Variants in NKD1 observed in about 807,000 individuals in gnomAD.
NKD1 encodes NKD inhibitor of Wnt signaling pathway 1, also known as protein naked cuticle homolog 1.
NKD1 carries 21 observed loss-of-function variants against 56.0 expected under a neutral mutation model. The observed-to-expected ratio is 0.38, with a 90% CI of 0.27 to 0.54. NKD1 has a LOEUF of 0.54. NKD1 is among the 20% of genes least tolerant of loss of function. The pLI, the probability that NKD1 is intolerant of heterozygous loss-of-function variation, is 0.82. For missense variants in NKD1, 578 were observed against 642.7 expected, an observed-to-expected ratio of 0.90 and a Z score of 1.09; for synonymous variants, 263 against 265.7, an observed-to-expected ratio of 0.99 and a Z score of 0.10.
chr16:50,596,745 A>T (rs1042913710), intron 3 of NKD1, among the ~76,000 whole-genome samples: 1 of 152,334 alleles, frequency 6.6e-6, no homozygotes, highest in Middle Eastern at 3.4e-3. Flanking sequence ...TGCCCCAGAG[A>T]TAAATAAGGG....
intron 3 of NKD1, among the ~76,000 whole-genome samples, chr16:50,594,539 C>A (rs1035474318): frequency 6.6e-6 from 1 of 152,220 alleles, no homozygotes; most frequent in Non-Finnish European, 1.5e-5. Context: ...GCAGGACAGA[C>A]AAGAGGAAGA....
chr16:50,584,073 G>A (rs1961176023), intron 3 of NKD1, among the ~76,000 whole-genome samples: 1 of 152,194 alleles, frequency 6.6e-6, no homozygotes, highest in African/African-American at 2.4e-5. Flanking sequence ...TCCCACATCT[G>A]CGAGTAGGTG....
At chr16:50,589,700 TTCTCTTCTCTTCTCTTCTC>T (rs1961308360) in intron 3 of NKD1, among the ~76,000 whole-genome samples, 2 of 20,224 alleles carry the variant, frequency 9.9e-5, no homozygotes, top group Non-Finnish European at 1.0e-4. Context: ...TTCTTTTCTC[TTCTCTTCTCTTCTCTTCTC>T]TTCTCTTCTC....
At chr16:50,585,078 A>G (rs1405340013) in intron 3 of NKD1, among the ~76,000 whole-genome samples, 1 of 152,002 alleles carries the variant, frequency 6.6e-6, no homozygotes, top group East Asian at 1.9e-4. Context: ...AACAGAGAGG[A>G]TTCTTTTTTG....
chr16:50,569,248 G>C (rs568131466), intron 3 of NKD1, among the ~76,000 whole-genome samples: 1 of 152,352 alleles, frequency 6.6e-6, no homozygotes, highest in Admixed American at 6.5e-5. Flanking sequence ...CTGTGCACCA[G>C]CTTCATGCTA....
Position 50,611,344 on chromosome 16 carries a change from G to A in NKD1, c.259+2984G>A, listed in dbSNP as rs575024866. ...CCTGGTTTCTATTTCTCCACTCTCC[G>A]GCATCTTTAGGAAGGCTGCTCTGCA... is the stretch of plus-strand genomic sequence containing the variant. On this transcript the variant is annotated intron_variant, in intron 4 of 9. Transcript: ENST00000268459. Among the ~76,000 whole-genome samples the A allele has an allele frequency of 6.2e-4, 94 of 152,270 alleles. 1 individual carries two copies. Among genetic ancestry groups the A allele is most frequent in the African/African-American group, 2.2e-3 (90 of 41,570 alleles).
chr16:50,577,089 C>T (rs772866704), intron 3 of NKD1, among the ~76,000 whole-genome samples: 3 of 152,146 alleles, frequency 2.0e-5, no homozygotes, highest in Non-Finnish European at 4.4e-5. Context: ...CCATTCAGAG[C>T]AGGTTGGGTT....
intron 3 of NKD1, chr16:50,574,470 C>CT: frequency 1.0e-6 from 1 of 985,410 alleles, no homozygotes; most frequent in Non-Finnish European, 1.2e-6. Flanking sequence ...TGGGCCTCAT[C>CT]TTGTTTTTGG....
At chr16:50,600,239 CAAAA>C (rs767166696) in intron 3 of NKD1, among the ~76,000 whole-genome samples, 1 of 150,972 alleles carries the variant, frequency 6.6e-6, no homozygotes, top group Non-Finnish European at 1.5e-5. Flanking sequence ...AAAAACAAAA[CAAAA>C]CAAACAAACA....
chr16:50,580,913 A>G (rs1218241374), intron 3 of NKD1, among the ~76,000 whole-genome samples: 1 of 152,130 alleles, frequency 6.6e-6, no homozygotes, highest in African/African-American at 2.4e-5. Context: ...CTATAGAACT[A>G]TATTGCTTTT....
rs1961927106 is a variant in NKD1, at chr16:50,614,930, T to C, written c.259+6570T>C. Among the ~76,000 whole-genome samples, 7 of 152,126 alleles carry C rather than the reference T, an allele frequency of 4.6e-5. 1 individual carries two copies. The highest frequency in any genetic ancestry group is 3.9e-4 in the Admixed American group (6 of 15,282). On this transcript the variant is annotated intron_variant, in intron 4 of 9. Coordinates refer to ENST00000268459, the MANE Select transcript of NKD1 (RefSeq NM_033119.5). ...AGAGGGCCCAGAAGCCTAGCTTCAT[T>C]AGCTTCTTCATAAACTCTTCTTTCA...
intron 3 of NKD1, among the ~76,000 whole-genome samples, chr16:50,595,141 G>A (rs562380970): frequency 2.0e-5 from 3 of 152,258 alleles, no homozygotes; most frequent in East Asian, 3.9e-4. Context: ...TCTGCTCCCC[G>A]AGGGAACTCA....
At chr16:50,628,070 C>T (rs1962263063) in intron 6 of NKD1, among the ~76,000 whole-genome samples, 1 of 152,178 alleles carries the variant, frequency 6.6e-6, no homozygotes, top group South Asian at 2.1e-4. Flanking sequence ...CCGAGATGAG[C>T]AAGGCAGCTA....
rs1334959763 is a variant in NKD1, at chr16:50,633,875, A to G, written c.*94A>G. ...TCTATTAATTATTGTTATTATGATGATTATTGTTATTAATAATTATTGTTA... is the reference window on the plus strand; with the variant it reads ...TCTATTAATTATTGTTATTATGATGGTTATTGTTATTAATAATTATTGTTA... On this transcript the variant is annotated 3_prime_UTR_variant, in exon 10 of 10. Transcript: ENST00000268459. The surrounding 1 kb of genome is among the most constrained non-coding windows in gnomAD (Gnocchi z 4.9). 3.3e-6 allele frequency: 2 copies of G among 600,376 alleles called. No individual in the cohort carries two copies. The highest frequency in any genetic ancestry group is 5.6e-6 in the Non-Finnish European group (2 of 354,884). The allele number at this position is 600,376 out of a possible 1,614,324, so 37.2% of individuals were successfully genotyped here. A position where few individuals can be genotyped will look rare whatever the true frequency, so the allele number is the denominator to read the frequency against.
intron 3 of NKD1, among the ~76,000 whole-genome samples, chr16:50,593,401 T>C (rs1300594014): frequency 6.6e-6 from 1 of 152,212 alleles, no homozygotes; most frequent in Non-Finnish European, 1.5e-5. Flanking sequence ...CTCGTGGCTC[T>C]GTTTTCCTGG....
At chr16:50,618,285 G>GA (rs1962008007) in intron 4 of NKD1, among the ~76,000 whole-genome samples, 1 of 152,094 alleles carries the variant, frequency 6.6e-6, no homozygotes, top group Non-Finnish European at 1.5e-5. Flanking sequence ...TTCTCAAGCG[G>GA]AAAAATGGCT....
intron 6 of NKD1, among the ~76,000 whole-genome samples, chr16:50,627,956 TAG>T (rs770806704): frequency 1.3e-5 from 2 of 151,686 alleles, no homozygotes; most frequent in African/African-American, 2.4e-5. Flanking sequence ...CTGCCCAAGA[TAG>T]AGAGAGTGAG....
Position 50,549,459 on chromosome 16 carries a change from G to A in NKD1, c.96G>A (p.Lys32=), listed in dbSNP as rs1425304353. The A allele has an allele frequency of 1.2e-6, 2 of 1,611,410 alleles. No individual in the cohort carries two copies. ...CCGTGAGCGCTGCCTGGGCTCGGAA[G>A]GGCATCGAGGAGTGGATCGGGAGAC... ...SFAVSAAWAR[K]GIEEWIGRQR... Residue 32 remains lysine, a synonymous_variant, in exon 3 of 10, where the codon AAG becomes AAA. Transcript: ENST00000268459.
chr16:50,633,375 G>A lies in NKD1; in HGVS notation c.1007G>A (p.Arg336Gln), dbSNP rs757531250. The change falls in exon 10 of 10, where the codon CGG (arginine) becomes CAG (glutamine). Residue 336 changes from arginine (R) to glutamine (Q), a missense_variant. Arg to Gln is a conservative substitution (Grantham distance 43, BLOSUM62 1). Coordinates refer to ENST00000268459, the MANE Select transcript of NKD1 (RefSeq NM_033119.5). The surrounding 1 kb of genome is among the most constrained non-coding windows in gnomAD (Gnocchi z 4.9). Reference sequence around the variant, plus strand: ...GTCTCAGAGCTCCAGCAACGGCTCCGGGGCACCCAGGACGGGAGCAAGCAC... The same window carrying A: ...GTCTCAGAGCTCCAGCAACGGCTCCAGGGCACCCAGGACGGGAGCAAGCAC... ...AKVSELQQRL[R>Q]GTQDGSKHFV... is the part of the protein sequence containing the mutation. 31 of 1,613,952 alleles carry A rather than the reference G, an allele frequency of 1.9e-5. No homozygotes were observed. The highest frequency in any genetic ancestry group is 1.6e-4 in the Middle Eastern group (1 of 6,078).
Sources: gnomAD v4.1 joint callset for allele counts (sites outside exome capture counted in the v4.1 genomes callset) on GRCh38, gnomAD v4.1.1 for gene constraint, Gnocchi (gnomAD v3.1) non-coding constraint, MANE v1.5 for transcripts, NCBI Gene and HGNC (gene_info 2026-07-23, HGNC 2026-07-21) for gene names.